Variants in GRK1 observed in about 807,000 individuals in gnomAD.
GRK1 encodes rhodopsin kinase GRK1.
GRK1 carries 28 observed loss-of-function variants against 41.7 expected under a neutral mutation model. That is an observed-to-expected ratio of 0.67 (90% CI 0.50 to 0.92). The LOEUF (loss-of-function observed/expected upper bound fraction) is 0.92. GRK1 is among the 40% of genes least tolerant of loss of function. The pLI, the probability that GRK1 is intolerant of heterozygous loss-of-function variation, is 0.00. For synonymous variants in GRK1, 327 were observed against 286.7 expected (o/e 1.14, Z -1.42); for missense variants, 703 against 671.2 (o/e 1.05, Z -0.52).
intron 6 of GRK1, among the ~76,000 whole-genome samples, chr13:113,734,061 C>CGT (rs2049983562): frequency 6.7e-6 from 1 of 149,826 alleles, no homozygotes; most frequent in Admixed American, 6.6e-5. Flanking sequence ...CGTGTGTGTG[C>CGT]ATGTGTGTGC....
intron 4 of GRK1, among the ~76,000 whole-genome samples, chr13:113,729,817 C>T (rs1037481532): frequency 2.7e-5 from 4 of 150,390 alleles, no homozygotes; most frequent in Non-Finnish European, 5.9e-5. Flanking sequence ...ACAGTTGCCA[C>T]GGCTGAGCCC....
At chr13:113,672,338 G>C (rs1171977615) in intron 3 of GRK1, among the ~76,000 whole-genome samples, 1 of 37,978 alleles carries the variant, frequency 2.6e-5, no homozygotes, top group African/African-American at 9.9e-5. Flanking sequence ...GTGTATGTGT[G>C]GTGTGTGGTA....
chr13:113,660,176 AG>A, the GRK1 span, among the ~76,000 whole-genome samples: 3 of 152,148 alleles, frequency 2.0e-5, no homozygotes, highest in African/African-American at 7.2e-5. Context: ...CCAGACAATG[AG>A]GGGGGCCCAG....
chr13:113,669,618 C>T (rs1364890085), intron 1 of GRK1, 69 bp from the exon 2 acceptor site: 12 of 1,590,572 alleles, frequency 7.5e-6, no homozygotes, highest in South Asian at 1.1e-5. Context: ...CGGGTGCACA[C>T]GGTCTCTGCG....
chr13:113,652,062 C>T, the GRK1 span, among the ~76,000 whole-genome samples: 3 of 152,162 alleles, frequency 2.0e-5, no homozygotes, highest in Non-Finnish European at 2.9e-5. Context: ...AGACAGAGCA[C>T]GGGCCGGCCT....
chr13:113,724,959 A>G (rs928389703), intron 4 of GRK1, among the ~76,000 whole-genome samples: 1 of 152,204 alleles, frequency 6.6e-6, no homozygotes, highest in African/African-American at 2.4e-5. Flanking sequence ...CCCAGCTTCC[A>G]GGCCGAGGGT....
chr13:113,733,572 T>C (rs945412750), intron 6 of GRK1, among the ~76,000 whole-genome samples: 3 of 150,920 alleles, frequency 2.0e-5, no homozygotes, highest in East Asian at 2.0e-4. Context: ...CATGTATGTG[T>C]ATGTGTGTGC....
At chr13:113,659,969 C>A in the GRK1 span, among the ~76,000 whole-genome samples, 2 of 152,172 alleles carry the variant, frequency 1.3e-5, no homozygotes, top group African/African-American at 4.8e-5. Flanking sequence ...TTCTAAACAT[C>A]TTTGAATTTA....
In GRK1 at chr13:113,727,499, G is replaced by A. The variant is rs143994123; in HGVS notation, c.1070-3720G>A. Among the ~76,000 whole-genome samples, 299 of 152,274 alleles carry A rather than the reference G, an allele frequency of 2.0e-3. 1 individual carries two copies. Among genetic ancestry groups the A allele is most frequent in the South Asian group, 0.019 (91 of 4,824 alleles). ...TGTGGACTGTGGGGTGTGGGCTGTGGCCTTGGACAAGTTGCTGCACATCCC... is the reference window on the plus strand; with the variant it reads ...TGTGGACTGTGGGGTGTGGGCTGTGACCTTGGACAAGTTGCTGCACATCCC... On this transcript the variant is annotated intron_variant, in intron 4 of 6. Coordinates refer to ENST00000335678, the MANE Select transcript of GRK1 (RefSeq NM_002929.3).
chr13:113,733,282 G>A (rs1017227927), intron 6 of GRK1, among the ~76,000 whole-genome samples, 197 bp downstream of exon 6: 10 of 152,188 alleles, frequency 6.6e-5, no homozygotes, highest in Non-Finnish European at 1.2e-4. Context: ...AGCCGGCATC[G>A]GGCCAGAGGG....
In GRK1 at chr13:113,723,532, C is replaced by G. The variant is rs182508157; in HGVS notation, c.1069+375C>G. 2.3e-3 allele frequency among the ~76,000 whole-genome samples: 357 copies of G among 152,208 alleles called. 1 individual carries two copies. Among genetic ancestry groups the G allele is most frequent in the Non-Finnish European group, 4.4e-3 (296 of 68,004 alleles). ...GGTCTGGAAAGGCGGGAGGGGGCTTCCAGGTCATAGGAAGATGAGAGACAA... is the reference window on the plus strand; with the variant it reads ...GGTCTGGAAAGGCGGGAGGGGGCTTGCAGGTCATAGGAAGATGAGAGACAA... On this transcript the variant is annotated intron_variant, in intron 4 of 6. Coordinates refer to ENST00000335678, the MANE Select transcript of GRK1 (RefSeq NM_002929.3).
rs753957332 is a variant in GRK1 at position 113,735,666 on chromosome 13, G to A, written c.*303G>A. 1.4e-5 allele frequency: 4 copies of A among 285,490 alleles called. No individual in the cohort carries two copies. The highest frequency in any genetic ancestry group is 1.0e-3 in the Middle Eastern group (1 of 986). The allele number at this position is 285,490 out of a possible 1,614,324, so 17.7% of individuals were successfully genotyped here. ...AAGCCAAAAATCTACAAACTCTTAGGGAGCCTCCTGCATTGGTGATTGACC... is the reference window on the plus strand; with the variant it reads ...AAGCCAAAAATCTACAAACTCTTAGAGAGCCTCCTGCATTGGTGATTGACC... On this transcript the variant is annotated 3_prime_UTR_variant, in exon 7 of 7. Coordinates refer to ENST00000335678, the MANE Select transcript of GRK1 (RefSeq NM_002929.3).
chr13:113,651,011 G>T, the GRK1 span, among the ~76,000 whole-genome samples: 247 of 152,064 alleles, frequency 1.6e-3, no homozygotes, highest in African/African-American at 5.7e-3. Flanking sequence ...CCGCAGTGTG[G>T]CCCAAATAAA....
At chr13:113,669,986 A>C in intron 2 of GRK1, 172 bp downstream of exon 2, 1 of 345,466 alleles carries the variant, frequency 2.9e-6, no homozygotes. Flanking sequence ...GAAACAATGC[A>C]CCCTGGACCC....
chr13:113,653,178 A>G, the GRK1 span: 2 of 1,439,504 alleles, frequency 1.4e-6, no homozygotes, highest in South Asian at 2.6e-5. Flanking sequence ...CATGAAATAG[A>G]AAAGGCCGAA....
At chr13:113,725,090 C>G (rs943892843) in intron 4 of GRK1, among the ~76,000 whole-genome samples, 1 of 152,252 alleles carries the variant, frequency 6.6e-6, no homozygotes, top group African/African-American at 2.4e-5. Context: ...CCTGGAGATG[C>G]TGCCGTCAGG....
the GRK1 span, among the ~76,000 whole-genome samples, chr13:113,658,636 G>A: frequency 7.2e-5 from 11 of 152,178 alleles, no homozygotes; most frequent in South Asian, 1.2e-3. Flanking sequence ...TGGGCCCCCC[G>A]CTGCGGCCGC....
At chr13:113,658,044 AG>A in the GRK1 span, 1 of 1,603,056 alleles carries the variant, frequency 6.2e-7, no homozygotes. Context: ...CCACCGGGAC[AG>A]GGTGCGGCCC....
At chr13:113,665,477 C>T (rs1043735333), upstream of GRK1, among the ~76,000 whole-genome samples, 1 of 150,392 alleles carries the variant, frequency 6.6e-6, no homozygotes, top group African/African-American at 2.5e-5. Flanking sequence ...ATGTGTGCTC[C>T]AAGTGTGTAC....
Sources: gnomAD v4.1 joint callset for allele counts (sites outside exome capture counted in the v4.1 genomes callset) on GRCh38, gnomAD v4.1.1 for gene constraint, MANE v1.5 for transcripts, NCBI Gene and HGNC (gene_info 2026-07-23, HGNC 2026-07-21) for gene names.